PEBP4: variants seen among roughly 807,000 people sequenced by gnomAD.
PEBP4 encodes phosphatidylethanolamine-binding protein 4.
Under a neutral mutation model 23.9 loss-of-function variants are expected in PEBP4, and 22 were observed. The observed-to-expected ratio is 0.92, with a 90% CI of 0.66 to 1.31. PEBP4 has a LOEUF of 1.31. PEBP4 is among the 40% of genes most tolerant of loss of function. PEBP4 has a pLI of 0.00. For missense variants in PEBP4, 324 were observed against 281.7 expected (o/e 1.15, Z -1.07); for synonymous variants, 112 against 99.3 (o/e 1.13, Z -0.76).
At chr8:22,759,152 G>A (rs1805450765) in intron 4 of PEBP4, among the ~76,000 whole-genome samples, 1 of 152,174 alleles carries the variant, frequency 6.6e-6, no homozygotes, top group Non-Finnish European at 1.5e-5. Context: ...GGGGGTAGAC[G>A]TGAGGCGCTG....
intron 3 of PEBP4, among the ~76,000 whole-genome samples, chr8:22,860,219 T>C (rs1485535617): frequency 1.4e-5 from 2 of 147,306 alleles, no homozygotes; most frequent in African/African-American, 2.5e-5. Context: ...CATATATGTA[T>C]ATATATATAT....
intron 4 of PEBP4, among the ~76,000 whole-genome samples, chr8:22,747,113 G>C (rs1284720488): frequency 6.6e-6 from 1 of 152,216 alleles, no homozygotes; most frequent in Non-Finnish European, 1.5e-5. Context: ...ATAGGCATGA[G>C]CTACCATACC....
chr8:22,821,512 T>C (rs2128762547), intron 3 of PEBP4, among the ~76,000 whole-genome samples: 1 of 152,134 alleles, frequency 6.6e-6, no homozygotes, highest in South Asian at 2.1e-4. Context: ...AGTGAGGCAG[T>C]GAGTTTGGTG....
intron 4 of PEBP4, among the ~76,000 whole-genome samples, chr8:22,739,046 G>A (rs1182803827): frequency 6.6e-6 from 1 of 152,150 alleles, no homozygotes; most frequent in African/African-American, 2.4e-5. Flanking sequence ...CAGGCCCCTG[G>A]CAGGGGGCCA....
At chr8:22,733,248 C>T (rs1263666774) in intron 4 of PEBP4, among the ~76,000 whole-genome samples, 1 of 152,198 alleles carries the variant, frequency 6.6e-6, no homozygotes, top group Admixed American at 6.5e-5. Flanking sequence ...AGACGCTCGG[C>T]ACACAGTGGG....
intron 3 of PEBP4, among the ~76,000 whole-genome samples, chr8:22,878,471 C>T (rs1808176098): frequency 6.6e-6 from 1 of 152,216 alleles, no homozygotes; most frequent in South Asian, 2.1e-4. Flanking sequence ...TGCTTTCTCA[C>T]TTTTCTGCCC....
chr8:22,777,477 T>C (rs1358506641), intron 4 of PEBP4, among the ~76,000 whole-genome samples: 1 of 152,054 alleles, frequency 6.6e-6, no homozygotes, highest in East Asian at 1.9e-4. Flanking sequence ...CCCTGAGACC[T>C]GAGGAGAGGC....
intron 3 of PEBP4, among the ~76,000 whole-genome samples, chr8:22,919,740 G>A (rs550519721): frequency 3.1e-4 from 47 of 152,302 alleles, no homozygotes; most frequent in Middle Eastern, 3.4e-3. Flanking sequence ...GCTCTGTCTT[G>A]GTAAATACCA....
chr8:22,819,895 C>T (rs545324289), intron 3 of PEBP4, among the ~76,000 whole-genome samples: 11 of 152,300 alleles, frequency 7.2e-5, no homozygotes, highest in East Asian at 5.8e-4. Flanking sequence ...CGTGAGCCAC[C>T]GCGCCCAGCC....
chr8:22,918,929 G>GCACGTGTGCA (rs1554497495), intron 3 of PEBP4, among the ~76,000 whole-genome samples: 4 of 151,144 alleles, frequency 2.6e-5, no homozygotes, highest in East Asian at 2.0e-4. Context: ...GTGTGTGTGT[G>GCACGTGTGCA]CACATGTGCA....
At chr8:22,813,782 T>C (rs932312866) in intron 4 of PEBP4, among the ~76,000 whole-genome samples, 3 of 152,208 alleles carry the variant, frequency 2.0e-5, no homozygotes, top group Non-Finnish European at 4.4e-5. Context: ...GCATACCTTA[T>C]GTATCTGTCT....
At chr8:22,722,311 A>G (rs899968375) in intron 6 of PEBP4, among the ~76,000 whole-genome samples, 9 of 152,172 alleles carry the variant, frequency 5.9e-5, no homozygotes, top group Non-Finnish European at 1.2e-4. Flanking sequence ...GGCCAGAGAA[A>G]TTTGTAGATC....
intron 3 of PEBP4, among the ~76,000 whole-genome samples, chr8:22,915,973 A>G (rs953745742): frequency 1.3e-5 from 2 of 152,172 alleles, no homozygotes; most frequent in Non-Finnish European, 2.9e-5. Context: ...CCATGGGCCA[A>G]TGAGGGCGAG....
chr8:22,896,840 T>C (rs1808598571), intron 3 of PEBP4, among the ~76,000 whole-genome samples: 1 of 151,898 alleles, frequency 6.6e-6, no homozygotes. Context: ...GTTCTCTATG[T>C]ATACTGATGT....
intron 4 of PEBP4, among the ~76,000 whole-genome samples, chr8:22,807,623 C>T (rs958823401): frequency 5.3e-5 from 8 of 152,076 alleles, no homozygotes; most frequent in African/African-American, 1.9e-4. Context: ...TTTTTTTCTA[C>T]CCCATTCAAA....
chr8:22,875,631 C>A lies in PEBP4; in HGVS notation c.258+44553G>T, dbSNP rs550251589. Among the ~76,000 whole-genome samples the A allele has an allele frequency of 2.4e-4, 37 of 152,278 alleles. No homozygotes were observed. In the South Asian group the frequency reaches 7.3e-3, roughly 30 times the overall value. On this transcript the variant is annotated intron_variant, in intron 3 of 6. Coordinates refer to ENST00000256404, the MANE Select transcript of PEBP4 (RefSeq NM_144962.3). ...GCTTCACAGTTAGTCTTGACTTAGT[C>A]CCCTGTCGTCTGCGAAGGCTGAAGC...
At chr8:22,724,812 G>C (rs375408766) in intron 6 of PEBP4, 31 bp downstream of exon 6, 2 of 1,536,348 alleles carry the variant, frequency 1.3e-6, no homozygotes, top group South Asian at 1.1e-5. Flanking sequence ...AATTCACCCC[G>C]GTGGTGGCTG....
intron 4 of PEBP4, among the ~76,000 whole-genome samples, chr8:22,795,143 G>GTGTGTATATA (rs1268855798): frequency 1.6e-4 from 8 of 49,908 alleles, no homozygotes; most frequent in African/African-American, 7.1e-4. Context: ...ATGTGTGTGT[G>GTGTGTATATA]TATATATATA....
At chr8:22,715,607 G>A (rs368735391) in intron 6 of PEBP4, among the ~76,000 whole-genome samples, 14 of 152,362 alleles carry the variant, frequency 9.2e-5, no homozygotes, top group African/African-American at 3.4e-4. Flanking sequence ...AGTCCAGAGC[G>A]AGAGCTGGCT....
Sources: gnomAD v4.1 joint callset for allele counts (sites outside exome capture counted in the v4.1 genomes callset) on GRCh38, gnomAD v4.1.1 for gene constraint, MANE v1.5 for transcripts, NCBI Gene and HGNC (gene_info 2026-07-23, HGNC 2026-07-21) for gene names.